Variants in PLAAT3 observed in about 807,000 individuals in gnomAD.
PLAAT3 encodes phospholipase A and acyltransferase 3, also known as Ca-independent phospholipase A1/2.
A neutral mutation model predicts 16.7 loss-of-function variants in PLAAT3; 21 were observed. The observed-to-expected ratio is 1.26, with a 90% CI of 0.89 to 1.81. The LOEUF is 1.81. Among genes scored for constraint, PLAAT3 ranks in the 40% most tolerant of loss-of-function variants. The pLI is 0.00. For missense variants in PLAAT3, 219 were observed against 213.7 expected, an observed-to-expected ratio of 1.02 and a Z score of -0.16; for synonymous variants, 76 against 81.7, an observed-to-expected ratio of 0.93 and a Z score of 0.38.
At chr11:63,616,099 G>C (rs184684796), upstream of PLAAT3, among the ~76,000 whole-genome samples, 1 of 152,148 alleles carries the variant, frequency 6.6e-6, no homozygotes, top group East Asian at 1.9e-4. Context: ...TACTTCTTTT[G>C]TGGTGAGAAC....
intron 4 of PLAAT3, among the ~76,000 whole-genome samples, chr11:63,583,068 T>G (rs1288860478): frequency 6.7e-6 from 1 of 150,318 alleles, no homozygotes; most frequent in East Asian, 2.0e-4. Context: ...AGGCGGAGGT[T>G]GCAGTGAGCC....
At chr11:63,575,227 C>T (rs79827516) in intron 4 of PLAAT3, among the ~76,000 whole-genome samples, 181 bp from the exon 5 acceptor site, 2,552 of 152,308 alleles carry the variant, frequency 0.017, 78 homozygotes, top group African/African-American at 0.058. Context: ...GAAAAGAATT[C>T]GTGGCTGGAG....
At chr11:63,589,741 T>C (rs867604819) in intron 4 of PLAAT3, among the ~76,000 whole-genome samples, 9 of 152,172 alleles carry the variant, frequency 5.9e-5, no homozygotes, top group African/African-American at 1.4e-4. Context: ...TGTAGACAAG[T>C]TACTTAAGCT....
chr11:63,585,879 T>C (rs1937958504), intron 4 of PLAAT3, among the ~76,000 whole-genome samples: 1 of 152,176 alleles, frequency 6.6e-6, no homozygotes, highest in Non-Finnish European at 1.5e-5. Flanking sequence ...CATTTCTTAG[T>C]TATTTTACTA....
chr11:63,588,897 A>G (rs903808584), intron 4 of PLAAT3, among the ~76,000 whole-genome samples: 2 of 141,250 alleles, frequency 1.4e-5, no homozygotes, highest in African/African-American at 2.6e-5. Context: ...TGATTCCTAT[A>G]GGTGGTGTTA....
At chr11:63,615,390 GTA>G (rs796171289), upstream of PLAAT3, among the ~76,000 whole-genome samples, 44 of 40,036 alleles carry the variant, frequency 1.1e-3, 4 homozygotes, top group African/African-American at 1.9e-3. Flanking sequence ...ATATATATGT[GTA>G]TATATGTGTG....
At chr11:63,589,086 C>T (rs1938063994) in intron 4 of PLAAT3, among the ~76,000 whole-genome samples, 1 of 150,768 alleles carries the variant, frequency 6.6e-6, no homozygotes, top group African/African-American at 2.4e-5. Flanking sequence ...AATAAACATG[C>T]TCTTATTTAA....
chr11:63,608,486 C>T (rs1938621960), intron 2 of PLAAT3: 1 of 152,434 alleles, frequency 6.6e-6, no homozygotes, highest in Admixed American at 6.5e-5. Context: ...CAGATGCACC[C>T]ATGCAACTCT....
At chr11:63,576,081 G>A (rs371196890) in intron 4 of PLAAT3, among the ~76,000 whole-genome samples, 1 of 152,152 alleles carries the variant, frequency 6.6e-6, no homozygotes, top group East Asian at 1.9e-4. Flanking sequence ...CTACTCCTCT[G>A]TTCCCAGAAC....
intron 2 of PLAAT3, among the ~76,000 whole-genome samples, chr11:63,601,995 A>AAC (rs1366290923): frequency 6.7e-6 from 1 of 149,152 alleles, no homozygotes; most frequent in Non-Finnish European, 1.5e-5. Context: ...AAAAAAAAAA[A>AAC]AACAAAAGGA....
chr11:63,588,556 C>A (rs1227500922), intron 4 of PLAAT3, among the ~76,000 whole-genome samples: 2 of 152,094 alleles, frequency 1.3e-5, no homozygotes, highest in Admixed American at 6.6e-5. Flanking sequence ...CCCACTGATT[C>A]CCCAGAAGAA....
At chr11:63,580,428 G>T (rs1937773678) in intron 4 of PLAAT3, among the ~76,000 whole-genome samples, 1 of 152,204 alleles carries the variant, frequency 6.6e-6, no homozygotes, top group Non-Finnish European at 1.5e-5. Flanking sequence ...GGCCGAGGAG[G>T]GTGGATCACG....
At chr11:63,606,464 C>CCT (rs1938568240) in intron 2 of PLAAT3, among the ~76,000 whole-genome samples, 1 of 94,186 alleles carries the variant, frequency 1.1e-5, no homozygotes, top group Non-Finnish European at 2.4e-5. Context: ...ACACACACAC[C>CCT]TTAGTAAATA....
chr11:63,591,961 C>A (rs1938164454), intron 3 of PLAAT3, among the ~76,000 whole-genome samples: 2 of 152,112 alleles, frequency 1.3e-5, no homozygotes. Flanking sequence ...AGAGTGAGGA[C>A]TTCCTTAAAC....
At chr11:63,610,819 G>A (rs78805749) in intron 2 of PLAAT3, among the ~76,000 whole-genome samples, 4,509 of 152,148 alleles carry the variant, frequency 0.03, 207 homozygotes, top group African/African-American at 0.1. Flanking sequence ...CAAGGATGGC[G>A]CAGGTGGAGG....
At chr11:63,614,091 T>G (rs1250399757) in intron 1 of PLAAT3, 23 bp from the exon 2 acceptor site, 1 of 1,609,486 alleles carries the variant, frequency 6.2e-7, no homozygotes, top group East Asian at 2.2e-5. Flanking sequence ...GAGCAGGGAT[T>G]TATTGTCATT....
chr11:63,599,870 G>A (rs1938380918), intron 2 of PLAAT3, among the ~76,000 whole-genome samples: 1 of 152,178 alleles, frequency 6.6e-6, no homozygotes, highest in Non-Finnish European at 1.5e-5. Context: ...AGATGGTGTG[G>A]ACATCAGTAA....
chr11:63,603,620 TTAAAA>T (rs1938484724), intron 2 of PLAAT3, among the ~76,000 whole-genome samples: 1 of 147,712 alleles, frequency 6.8e-6, no homozygotes, highest in Non-Finnish European at 1.5e-5. Context: ...ACCCTGGAAC[TTAAAA>T]TAAAAGTTGA....
intron 4 of PLAAT3, among the ~76,000 whole-genome samples, chr11:63,576,875 C>T (rs892960191): frequency 6.6e-6 from 1 of 152,018 alleles, no homozygotes; most frequent in Non-Finnish European, 1.5e-5. Context: ...AAGAAAGGTG[C>T]CTTTACACAA....
Sources: allele counts gnomAD v4.1 joint callset (sites outside exome capture counted in the v4.1 genomes callset), GRCh38; gene constraint gnomAD v4.1.1; transcripts MANE v1.5; gene names NCBI Gene and HGNC (gene_info 2026-07-23, HGNC 2026-07-21).